The following SLAMF7 variants were observed in gnomAD, a reference collection of about 807,000 sequenced individuals.
SLAMF7 encodes 19A24 protein.
SLAMF7 carries 26 observed loss-of-function variants against 34.1 expected under a neutral mutation model. The ratio of observed to expected loss-of-function variants is 0.76; its 90% CI spans 0.56 to 1.06. The LOEUF (loss-of-function observed/expected upper bound fraction) is 1.06. SLAMF7 is among the 50% of genes least tolerant of loss of function. The pLI is 0.00. For synonymous variants in SLAMF7, 171 were observed against 156.4 expected (o/e 1.09, Z -0.70); for missense variants, 399 against 402.5 (o/e 0.99, Z 0.07).
rs149903088 is a variant in SLAMF7, at chr1:160,752,773, G to C, written c.937-333G>C. Among the ~76,000 whole-genome samples the C allele has an allele frequency of 2.1e-3, 316 of 152,248 alleles. 2 individuals carry two copies. The highest frequency in any genetic ancestry group is 7.2e-3 in the African/African-American group (297 of 41,522). ...TTGGCAGCAGTAATGGTATCTTTCTGTCTCCTTTTTCTTCCTCTCCCAAAC... is the reference window on the plus strand; with the variant it reads ...TTGGCAGCAGTAATGGTATCTTTCTCTCTCCTTTTTCTTCCTCTCCCAAAC... On this transcript the variant is annotated intron_variant, in intron 6 of 6. Transcript: ENST00000368043.
At chr1:160,746,496 C>T (rs911535408) in intron 1 of SLAMF7, among the ~76,000 whole-genome samples, 1 of 152,140 alleles carries the variant, frequency 6.6e-6, no homozygotes, top group Non-Finnish European at 1.5e-5. Flanking sequence ...TGTTAAGAGG[C>T]AGAAGGGGAA....
chr1:160,753,727 A>G lies in SLAMF7; in HGVS notation c.*550A>G, dbSNP rs518721. 0.65 allele frequency: 100,184 copies of G among 153,094 alleles called. 33,468 individuals carry two copies. Among genetic ancestry groups the G allele is most frequent in the East Asian group, 0.8 (4,266 of 5,332 alleles). The allele number at this position is 153,094 out of a possible 1,614,324, so 9.5% of individuals were successfully genotyped here. A position where few individuals can be genotyped will look rare whatever the true frequency, so the allele number is the denominator to read the frequency against. On this transcript the variant is annotated 3_prime_UTR_variant, in exon 7 of 7. Transcript: ENST00000368043. ...CTGAGCTTACACTAATTGGTCAGAC[A>G]TGCTGTCTGCCCTCATGAAATTGGC...
At chr1:160,744,989 A>T (rs974408553) in intron 1 of SLAMF7, among the ~76,000 whole-genome samples, 1 of 152,208 alleles carries the variant, frequency 6.6e-6, no homozygotes, top group East Asian at 1.9e-4. Context: ...CAGTTTTTTT[A>T]AAAAATCAGA....
intron 1 of SLAMF7, among the ~76,000 whole-genome samples, chr1:160,739,913 T>G (rs1267088735): frequency 2.6e-5 from 4 of 152,184 alleles, no homozygotes; most frequent in African/African-American, 9.7e-5. Context: ...TTTAATCCCA[T>G]GGAGGACAGA....
Position 160,739,293 on chromosome 1 carries a change from G to A in SLAMF7, c.-9G>A. 6.2e-7 allele frequency: 1 copy of A among 1,613,898 alleles called. No individual in the cohort carries two copies. The highest frequency in any genetic ancestry group is 8.5e-7 in the Non-Finnish European group (1 of 1,179,812). ...GCTTCATTTCAGTGGCTGACTTCCA[G>A]AGAGCAATATGGCTGGTTCCCCAAC... On this transcript the variant is annotated 5_prime_UTR_variant, in exon 1 of 7. Coordinates refer to ENST00000368043, the MANE Select transcript of SLAMF7 (RefSeq NM_021181.5).
At chr1:160,741,462 C>T (rs1663734652) in intron 1 of SLAMF7, among the ~76,000 whole-genome samples, 1 of 152,112 alleles carries the variant, frequency 6.6e-6, no homozygotes, top group Non-Finnish European at 1.5e-5. Context: ...CTGTGGCTGC[C>T]TTGTGTGGCA....
At chr1:160,748,859 C>A (rs1466478004) in intron 2 of SLAMF7, among the ~76,000 whole-genome samples, 1 of 152,102 alleles carries the variant, frequency 6.6e-6, no homozygotes, top group Non-Finnish European at 1.5e-5. Context: ...GAAATGCCTA[C>A]CTTAGGAAGA....
chr1:160,742,351 G>T (rs1231933296), intron 1 of SLAMF7, among the ~76,000 whole-genome samples: 1 of 152,184 alleles, frequency 6.6e-6, no homozygotes, highest in African/African-American at 2.4e-5. Context: ...TCAAAGGCAG[G>T]CGGGGGATGT....
At position 160,747,138 on chromosome 1, in the gene SLAMF7, C is replaced by A. The variant is rs1465772598; in HGVS notation, c.56-1056C>A. On this transcript the variant is annotated intron_variant, in intron 1 of 6. Coordinates refer to ENST00000368043, the MANE Select transcript of SLAMF7 (RefSeq NM_021181.5). Reference sequence around the variant, plus strand: ...ACTGTTACTTCCTTGACTACCTAACCTGCCTCACCTTTAAGGATTTAGTCT... The same window carrying A: ...ACTGTTACTTCCTTGACTACCTAACATGCCTCACCTTTAAGGATTTAGTCT... Among the ~76,000 whole-genome samples, 4 of 152,176 alleles carry A rather than the reference C, an allele frequency of 2.6e-5. No homozygotes were observed. In the East Asian group the frequency reaches 7.7e-4, roughly 29 times the overall value.
chr1:160,752,065 C>T, intron 5 of SLAMF7, 121 bp from the exon 6 acceptor site: 2 of 730,514 alleles, frequency 2.7e-6, no homozygotes, highest in South Asian at 1.9e-5. Context: ...CCTCCTTTTC[C>T]TCTCACATCT....
intron 5 of SLAMF7, 36 bp downstream of exon 5, chr1:160,751,484 T>C: frequency 6.6e-7 from 1 of 1,520,324 alleles, no homozygotes; most frequent in East Asian, 2.3e-5. Context: ...GAACTGATCC[T>C]GTCTCTGAGG....
rs1055047729 is a variant in SLAMF7, at chr1:160,739,411, C to T, written c.55+55C>T. On this transcript the variant is annotated intron_variant, in intron 1 of 6. Transcript: ENST00000368043. ...CCTGTCTACCCCATCCTGAATAGTT[C>T]CAGGTTTCTTGTTCCACTCTGGGCC... is the stretch of plus-strand genomic sequence containing the variant. The T allele has an allele frequency of 4.6e-6, 7 of 1,509,792 alleles. No homozygotes were observed. The African/African-American group carries it at 8.3e-5, about 18-fold the overall frequency. The allele number at this position is 1,509,792 out of a possible 1,614,324, so 93.5% of individuals were successfully genotyped here.
rs570311439 is a variant in SLAMF7, at chr1:160,752,200, G to A, written c.888G>A (p.Lys296=). Residue 296 remains lysine, a synonymous_variant, in exon 6 of 7, where the codon AAG becomes AAA. Coordinates refer to ENST00000368043, the MANE Select transcript of SLAMF7 (RefSeq NM_021181.5). ...TIPHTNRTIL[K]EDPANTVYST... is the part of the protein sequence containing the mutation. Reference sequence around the variant, plus strand: ...GTTTTTAAAAGAGAACAATCCTAAAGGAAGATCCAGCAAATACGGTTTACT... The same window carrying A: ...GTTTTTAAAAGAGAACAATCCTAAAAGAAGATCCAGCAAATACGGTTTACT... 21 of 1,613,114 alleles carry A rather than the reference G, an allele frequency of 1.3e-5. No individual in the cohort carries two copies. Among genetic ancestry groups the A allele is most frequent in the Middle Eastern group, 3.3e-4 (2 of 6,054 alleles).
At chr1:160,749,415 C>T (rs1301269734) in intron 2 of SLAMF7, among the ~76,000 whole-genome samples, 1 of 151,528 alleles carries the variant, frequency 6.6e-6, no homozygotes, top group African/African-American at 2.4e-5. Context: ...GCTACTCCAA[C>T]ACAATTTTCT....
At chr1:160,749,710 T>C in intron 2 of SLAMF7, 111 bp from the exon 3 acceptor site, 3 of 917,802 alleles carry the variant, frequency 3.3e-6, no homozygotes, top group Non-Finnish European at 4.9e-6. Flanking sequence ...TACTGCTTTC[T>C]CTCCAGTCTG....
intron 1 of SLAMF7, among the ~76,000 whole-genome samples, chr1:160,744,988 T>A (rs966121156): frequency 6.6e-5 from 10 of 152,176 alleles, no homozygotes; most frequent in South Asian, 2.1e-4. Flanking sequence ...ACAGTTTTTT[T>A]AAAAAATCAG....
chr1:160,748,163 A>G, intron 1 of SLAMF7, 31 bp from the exon 2 acceptor site: 1 of 1,601,024 alleles, frequency 6.2e-7, no homozygotes, highest in Non-Finnish European at 8.5e-7. Flanking sequence ...ACAGGGAATC[A>G]GGCTTATTTT....
In SLAMF7 at chr1:160,753,105, G is replaced by A; in HGVS notation, c.937-1G>A. On this transcript the variant is annotated splice_acceptor_variant, in intron 6 of 6. Transcript: ENST00000368043. LOFTEE classifies it high-confidence loss of function. ...TCTACTTTCTTTTTGTCTGTCTTCA[G>A]ATGGAAAATCCCCACTCACTGCTCA... The A allele has an allele frequency of 6.2e-7, 1 of 1,613,590 alleles. No homozygotes were observed. Among genetic ancestry groups the A allele is most frequent in the South Asian group, 1.1e-5 (1 of 91,070 alleles).
intron 2 of SLAMF7, 100 bp from the exon 3 acceptor site, chr1:160,749,721 G>T (rs1664403769): frequency 2.9e-6 from 3 of 1,044,780 alleles, no homozygotes; most frequent in Admixed American, 4.7e-5. Flanking sequence ...CTCCAGTCTG[G>T]AGCTCCCAGG....
Sources: gnomAD v4.1 joint callset for allele counts (sites outside exome capture counted in the v4.1 genomes callset) on GRCh38, gnomAD v4.1.1 for gene constraint, MANE v1.5 for transcripts, NCBI Gene and HGNC (gene_info 2026-07-23, HGNC 2026-07-21) for gene names.